The following EDIL3 variants were observed in gnomAD, a reference collection of about 807,000 sequenced individuals.
The protein encoded by EDIL3 is EGF-like repeat and discoidin I-like domain-containing protein 3.
A neutral mutation model predicts 67.4 loss-of-function variants in EDIL3; 37 were observed. The ratio of observed to expected loss-of-function variants is 0.55; its 90% CI spans 0.42 to 0.72. The LOEUF is 0.72. Among genes scored for constraint, EDIL3 ranks in the 30% least tolerant of loss-of-function variants. The pLI is 0.00. For synonymous variants in EDIL3, 195 were observed against 196.3 expected (o/e 0.99, Z 0.05); for missense variants, 527 against 586.3 (o/e 0.90, Z 1.04).
chr5:84,282,519 T>TAAC (rs1745725273), intron 1 of EDIL3, among the ~76,000 whole-genome samples: 1 of 152,216 alleles, frequency 6.6e-6, no homozygotes, highest in African/African-American at 2.4e-5. Flanking sequence ...TTCTCCTGTT[T>TAAC]ACAGATATTT....
At chr5:84,195,292 A>C (rs772923435) in intron 3 of EDIL3, among the ~76,000 whole-genome samples, 7 of 151,982 alleles carry the variant, frequency 4.6e-5, no homozygotes, top group Non-Finnish European at 1.0e-4. Context: ...TAATTAGGGA[A>C]GTTACTATAA....
chr5:84,229,258 T>C (rs1273606178), intron 3 of EDIL3, among the ~76,000 whole-genome samples: 1 of 152,214 alleles, frequency 6.6e-6, no homozygotes, highest in East Asian at 1.9e-4. Context: ...TTGCACATGG[T>C]TCAGGCCACA....
chr5:84,015,281 T>C (rs1258752838), intron 9 of EDIL3, among the ~76,000 whole-genome samples: 4 of 152,300 alleles, frequency 2.6e-5, no homozygotes, highest in African/African-American at 9.6e-5. Flanking sequence ...ACTGATTAAA[T>C]GATAAAAGTC....
At chr5:84,294,507 T>C (rs768451514) in intron 1 of EDIL3, among the ~76,000 whole-genome samples, 1 of 152,036 alleles carries the variant, frequency 6.6e-6, no homozygotes, top group Non-Finnish European at 1.5e-5. Flanking sequence ...TGAATACTTA[T>C]TAACAAATTT....
At chr5:84,299,203 G>A (rs1746106405) in intron 1 of EDIL3, among the ~76,000 whole-genome samples, 2 of 152,116 alleles carry the variant, frequency 1.3e-5, no homozygotes, top group African/African-American at 4.8e-5. Context: ...GACCAAAGTT[G>A]TTGAGCTAAG....
chr5:84,117,020 A>ATTTTTTTTTTTTTTTTT (rs34997139), intron 5 of EDIL3, among the ~76,000 whole-genome samples: 2 of 83,236 alleles, frequency 2.4e-5, no homozygotes, highest in African/African-American at 4.7e-5. Flanking sequence ...TTAAGTACTT[A>ATTTTTTTTTTTTTTTTT]TTTTTTTTTT....
intron 9 of EDIL3, among the ~76,000 whole-genome samples, chr5:84,014,119 C>T (rs1385679351): frequency 6.6e-6 from 1 of 152,104 alleles, no homozygotes; most frequent in African/African-American, 2.4e-5. Flanking sequence ...TAAATCTTGA[C>T]TCTCCTATGC....
intron 1 of EDIL3, among the ~76,000 whole-genome samples, chr5:84,325,571 C>T (rs1169032457): frequency 6.6e-6 from 1 of 151,962 alleles, no homozygotes; most frequent in African/African-American, 2.4e-5. Flanking sequence ...TGTGGAAAAT[C>T]GTATTGTGGC....
intron 1 of EDIL3, among the ~76,000 whole-genome samples, chr5:84,312,348 T>A (rs1190249612): frequency 1.4e-4 from 16 of 115,912 alleles, no homozygotes; most frequent in East Asian, 6.1e-4. Flanking sequence ...CCCCCCCACC[T>A]CCCTCCCGGA....
chr5:84,266,426 C>T lies in EDIL3; in HGVS notation c.68-12214G>A, dbSNP rs187828874. Among the ~76,000 whole-genome samples, 4 of 152,296 alleles carry T rather than the reference C, an allele frequency of 2.6e-5. No individual in the cohort carries two copies. In the East Asian group the frequency reaches 7.7e-4, roughly 29 times the overall value. On this transcript the variant is annotated intron_variant, in intron 1 of 10. Coordinates refer to ENST00000296591, the MANE Select transcript of EDIL3 (RefSeq NM_005711.5). ...TCTCTGCTATTGAAGAGGCTTTGAC[C>T]TTATCTGTCTATCTCTTTTCTCATT... is the stretch of plus-strand genomic sequence containing the variant.
chr5:84,046,153 T>C (rs1746220275), intron 9 of EDIL3, among the ~76,000 whole-genome samples: 1 of 152,198 alleles, frequency 6.6e-6, no homozygotes, highest in South Asian at 2.1e-4. Context: ...ATTTTCCAAA[T>C]ATTTCATACA....
At chr5:84,309,349 T>TTTA (rs1746338813) in intron 1 of EDIL3, among the ~76,000 whole-genome samples, 1 of 151,262 alleles carries the variant, frequency 6.6e-6, no homozygotes, top group African/African-American at 2.4e-5. Context: ...TTTCTTTTTT[T>TTTA]TTATTATTAT....
chr5:84,004,057 A>G (rs1745374909), intron 9 of EDIL3, among the ~76,000 whole-genome samples: 1 of 152,156 alleles, frequency 6.6e-6, no homozygotes, highest in African/African-American at 2.4e-5. Flanking sequence ...CATTAAACCA[A>G]CAACAATCAA....
intron 1 of EDIL3, among the ~76,000 whole-genome samples, chr5:84,315,782 A>G (rs1228187860): frequency 1.3e-5 from 2 of 152,160 alleles, no homozygotes; most frequent in African/African-American, 2.4e-5. Context: ...ATTCCTCGAG[A>G]AGAGCAATCC....
At chr5:84,259,104 C>T (rs1262738518) in intron 1 of EDIL3, among the ~76,000 whole-genome samples, 2 of 151,360 alleles carry the variant, frequency 1.3e-5, no homozygotes, top group African/African-American at 2.4e-5. Context: ...GGACTACAGT[C>T]GCCCGCCACC....
chr5:84,012,636 ACT>A (rs1745536928), intron 9 of EDIL3, among the ~76,000 whole-genome samples: 1 of 152,170 alleles, frequency 6.6e-6, no homozygotes, highest in African/African-American at 2.4e-5. Context: ...TTAGTAAATT[ACT>A]CAGTAAAGTT....
chr5:84,177,832 A>T (rs1386042057), intron 4 of EDIL3, among the ~76,000 whole-genome samples: 1 of 152,172 alleles, frequency 6.6e-6, no homozygotes, highest in African/African-American at 2.4e-5. Flanking sequence ...TCACATATTG[A>T]TAAAATAGTT....
In EDIL3 at chr5:83,942,958, G is replaced by C. The variant is rs1462888156; in HGVS notation, c.*461C>G. ...AGTGTTTGGTAGGCACAGGGAAACA[G>C]GATAACGTAGAGTCATTACAGAAGA... is the stretch of plus-strand genomic sequence containing the variant. On this transcript the variant is annotated 3_prime_UTR_variant, in exon 11 of 11. Transcript: ENST00000296591. 1.2e-5 allele frequency: 2 copies of C among 163,818 alleles called. No homozygotes were observed. Among genetic ancestry groups the C allele is most frequent in the Non-Finnish European group, 1.3e-5 (1 of 74,540 alleles). 10.1% of individuals were successfully genotyped at this position (163,818 alleles called of 1,614,324 possible). A position where few individuals can be genotyped will look rare whatever the true frequency, so the allele number is the denominator to read the frequency against.
intron 4 of EDIL3, among the ~76,000 whole-genome samples, chr5:84,147,607 G>C (rs1389479925): frequency 6.6e-6 from 1 of 151,930 alleles, no homozygotes; most frequent in Non-Finnish European, 1.5e-5. Flanking sequence ...GAGTGGAAAG[G>C]CTTAACACCA....
Sources: allele counts gnomAD v4.1 joint callset (sites outside exome capture counted in the v4.1 genomes callset), GRCh38; gene constraint gnomAD v4.1.1; transcripts MANE v1.5; gene names NCBI Gene and HGNC (gene_info 2026-07-23, HGNC 2026-07-21).